Variants in FER1L6 observed in about 807,000 individuals in gnomAD.
The protein encoded by FER1L6 is fer-1-like protein 6.
A neutral mutation model predicts 219.2 loss-of-function variants in FER1L6; 177 were observed. That is an observed-to-expected ratio of 0.81 (90% CI 0.71 to 0.91). The LOEUF is 0.91. FER1L6 is among the 40% of genes least tolerant of loss of function. The probability of loss-of-function intolerance (pLI) is 0.00; values close to 1 mark genes in which losing one functional copy is unlikely to be tolerated. For missense variants in FER1L6, 2,153 were observed against 2,259.9 expected, an observed-to-expected ratio of 0.95 and a Z score of 0.96; for synonymous variants, 768 against 824.3, an observed-to-expected ratio of 0.93 and a Z score of 1.17.
intron 28 of FER1L6, 48 bp from the exon 29 acceptor site, chr8:124,069,312 C>T (rs1468163579): frequency 2.2e-6 from 3 of 1,367,046 alleles, no homozygotes; most frequent in Non-Finnish European, 3.1e-6. Context: ...TTTGTTCCTT[C>T]TCATCTCAAC....
At chr8:123,926,662 C>T (rs1231394200) in intron 1 of FER1L6, among the ~76,000 whole-genome samples, 1 of 152,102 alleles carries the variant, frequency 6.6e-6, no homozygotes, top group Non-Finnish European at 1.5e-5. Context: ...CTATGAATAG[C>T]CACAACTCAG....
intron 39 of FER1L6, among the ~76,000 whole-genome samples, chr8:124,112,432 G>A (rs974840796): frequency 6.6e-6 from 1 of 152,194 alleles, no homozygotes; most frequent in Admixed American, 6.5e-5. Context: ...ACCCTTGGGA[G>A]AAAGAAAGGG....
chr8:123,930,777 G>A lies in FER1L6; in HGVS notation c.-7-25215G>A, dbSNP rs145471649. Among the ~76,000 whole-genome samples the A allele has an allele frequency of 2.6e-5, 4 of 152,304 alleles. No homozygotes were observed. The East Asian group carries it at 5.8e-4, about 22-fold the overall frequency. On this transcript the variant is annotated intron_variant, in intron 1 of 40. Coordinates refer to ENST00000522917, the MANE Select transcript of FER1L6 (RefSeq NM_001039112.2). ...ATGTACAACACTGGGCAGAGTACCT[G>A]GCACGTGGTAGGACTTAATAAGCAG...
At chr8:124,117,383 G>T (rs1823292521) in intron 39 of FER1L6, among the ~76,000 whole-genome samples, 1 of 152,202 alleles carries the variant, frequency 6.6e-6, no homozygotes, top group Non-Finnish European at 1.5e-5. Context: ...ATGTGTAAAG[G>T]AAGAATTAAA....
intron 22 of FER1L6, among the ~76,000 whole-genome samples, chr8:124,057,009 A>G (rs1404303986): frequency 1.3e-5 from 2 of 152,120 alleles, no homozygotes; most frequent in Non-Finnish European, 2.9e-5. Flanking sequence ...GCACCTCTGC[A>G]CTCCAGCCTG....
At chr8:124,082,266 G>T in intron 32 of FER1L6, 22 bp from the exon 33 acceptor site, 1 of 1,599,872 alleles carries the variant, frequency 6.3e-7, no homozygotes, top group Non-Finnish European at 8.5e-7. Context: ...ACTGACTCTT[G>T]AAGTCTCTGC....
chr8:124,049,514 G>A (rs1207759501), intron 21 of FER1L6, 93 bp from the exon 22 acceptor site: 2 of 1,386,654 alleles, frequency 1.4e-6, no homozygotes, highest in Non-Finnish European at 2.0e-6. Context: ...ATGGTTTTGT[G>A]GAGGTTATTT....
chr8:124,043,959 T>G (rs929791103), intron 20 of FER1L6, among the ~76,000 whole-genome samples: 5 of 152,242 alleles, frequency 3.3e-5, no homozygotes, highest in African/African-American at 1.2e-4. Context: ...AGTGCTGTGT[T>G]AGTGTCTAAT....
At chr8:124,045,701 A>G in intron 20 of FER1L6, 66 bp from the exon 21 acceptor site, 1 of 1,551,736 alleles carries the variant, frequency 6.4e-7, no homozygotes, top group Non-Finnish European at 8.8e-7. Flanking sequence ...TATTTGATGA[A>G]TGAACCTTAG....
chr8:124,059,188 G>A (rs1010719221), intron 22 of FER1L6, among the ~76,000 whole-genome samples: 8 of 152,170 alleles, frequency 5.3e-5, no homozygotes, highest in Non-Finnish European at 1.2e-4. Context: ...AACAGCCCCA[G>A]TAAGGAGAAC....
At chr8:124,013,976 T>A (rs922295051) in intron 15 of FER1L6, among the ~76,000 whole-genome samples, 1 of 151,906 alleles carries the variant, frequency 6.6e-6, no homozygotes, top group African/African-American at 2.4e-5. Flanking sequence ...AATATACTAT[T>A]CAGTGAGCCT....
intron 33 of FER1L6, among the ~76,000 whole-genome samples, chr8:124,083,313 T>A (rs2130917668): frequency 6.6e-6 from 1 of 152,308 alleles, no homozygotes; most frequent in Non-Finnish European, 1.5e-5. Context: ...TTCAAGTGTT[T>A]AAGTGAGAAC....
intron 11 of FER1L6, among the ~76,000 whole-genome samples, chr8:123,982,192 T>C (rs1352163155): frequency 6.6e-6 from 1 of 152,174 alleles, no homozygotes; most frequent in East Asian, 1.9e-4. Flanking sequence ...CACCAGAAGT[T>C]GTGGGTGGCT....
intron 39 of FER1L6, among the ~76,000 whole-genome samples, chr8:124,117,844 C>A (rs1377306578): frequency 6.6e-6 from 1 of 152,148 alleles, no homozygotes; most frequent in African/African-American, 2.4e-5. Flanking sequence ...AGCAGAATCT[C>A]AGATTTTTGT....
At chr8:124,079,685 G>A (rs1402916819) in intron 32 of FER1L6, among the ~76,000 whole-genome samples, 2 of 152,196 alleles carry the variant, frequency 1.3e-5, no homozygotes, top group South Asian at 4.1e-4. Flanking sequence ...CCTTATGGAG[G>A]AGGCAGGGAA....
At chr8:124,036,440 T>C (rs772846532) in intron 19 of FER1L6, 2 of 152,226 alleles carry the variant, frequency 1.3e-5, no homozygotes, top group Non-Finnish European at 2.9e-5. Context: ...TAAGATGTCA[T>C]TGATTTCTCA....
chr8:124,049,801 C>G, intron 22 of FER1L6, 45 bp downstream of exon 22: 1 of 1,603,738 alleles, frequency 6.2e-7, no homozygotes, highest in Non-Finnish European at 8.5e-7. Flanking sequence ...GTCTACCTGG[C>G]CAGAGAAGTG....
intron 1 of FER1L6, among the ~76,000 whole-genome samples, chr8:123,865,854 G>C (rs1161029669): frequency 6.8e-6 from 1 of 147,088 alleles, no homozygotes; most frequent in East Asian, 2.0e-4. Context: ...CACGGTGCGC[G>C]CACCCACTGG....
chr8:124,044,209 G>A (rs149306341), intron 20 of FER1L6, among the ~76,000 whole-genome samples: 182 of 152,266 alleles, frequency 1.2e-3, no homozygotes, highest in African/African-American at 3.9e-3. Flanking sequence ...ATAAAAACAC[G>A]GTTCTTTGTG....
Sources: gnomAD v4.1 joint callset for allele counts (sites outside exome capture counted in the v4.1 genomes callset) on GRCh38, gnomAD v4.1.1 for gene constraint, MANE v1.5 for transcripts, NCBI Gene and HGNC (gene_info 2026-07-23, HGNC 2026-07-21) for gene names.